Variants in TECPR2 observed in about 807,000 individuals in gnomAD.
TECPR2 encodes tectonin beta-propeller repeat containing 2.
TECPR2 carries 65 observed loss-of-function variants against 138.1 expected under a neutral mutation model. The ratio of observed to expected loss-of-function variants is 0.47; its 90% confidence interval spans 0.39 to 0.58. The LOEUF is 0.58. Among genes scored for constraint, TECPR2 ranks in the 20% least tolerant of loss-of-function variants. The probability of loss-of-function intolerance (pLI) is 0.00; values close to 1 mark genes in which losing one functional copy is unlikely to be tolerated. For synonymous variants in TECPR2, 746 were observed against 749.8 expected, an observed-to-expected ratio of 0.99 and a Z score of 0.08; for missense variants, 1,553 against 1,824.5, an observed-to-expected ratio of 0.85 and a Z score of 2.71.
intron 17 of TECPR2, among the ~76,000 whole-genome samples, chr14:102,482,546 C>T (rs560609222): frequency 6.6e-6 from 1 of 152,324 alleles, no homozygotes; most frequent in South Asian, 2.1e-4. Flanking sequence ...CTAGCGTCAC[C>T]TTTGACCTCC....
intron 3 of TECPR2, among the ~76,000 whole-genome samples, 180 bp downstream of exon 3, chr14:102,407,646 G>A (rs1235579545): frequency 6.6e-6 from 1 of 152,124 alleles, no homozygotes; most frequent in Non-Finnish European, 1.5e-5. Flanking sequence ...GGCTGATCAC[G>A]AGGTCAAGAG....
At chr14:102,399,198 G>A (rs1888402732) in intron 2 of TECPR2, among the ~76,000 whole-genome samples, 1 of 152,184 alleles carries the variant, frequency 6.6e-6, no homozygotes, top group South Asian at 2.1e-4. Flanking sequence ...GGAGGCAGAG[G>A]TTGCAGTGAG....
chr14:102,377,558 T>C (rs756294011), intron 2 of TECPR2, among the ~76,000 whole-genome samples: 2 of 152,134 alleles, frequency 1.3e-5, no homozygotes, highest in African/African-American at 2.4e-5. Flanking sequence ...ATACAAAAAT[T>C]AGCTGGGCGT....
At chr14:102,377,045 T>C (rs1887661056) in intron 2 of TECPR2, 105 bp downstream of exon 2, 1 of 1,182,586 alleles carries the variant, frequency 8.5e-7, no homozygotes, top group South Asian at 1.4e-5. Context: ...TGCCAGAATA[T>C]GGCCTTAATA....
chr14:102,367,146 T>C (rs998984679), intron 1 of TECPR2, among the ~76,000 whole-genome samples: 2 of 152,122 alleles, frequency 1.3e-5, no homozygotes, highest in African/African-American at 2.4e-5. Flanking sequence ...TGGTTTTTAT[T>C]CTTAGAGCAC....
intron 2 of TECPR2, among the ~76,000 whole-genome samples, chr14:102,390,418 A>T (rs1456345348): frequency 1.3e-5 from 2 of 152,126 alleles, no homozygotes; most frequent in Non-Finnish European, 2.9e-5. Context: ...GGCAAAGGAG[A>T]GTTAAACACA....
chr14:102,403,400 T>C (rs891169973), intron 2 of TECPR2, among the ~76,000 whole-genome samples: 3 of 152,166 alleles, frequency 2.0e-5, no homozygotes, highest in Non-Finnish European at 1.5e-5. Flanking sequence ...AAGCCATATA[T>C]GAAAAACAGT....
At chr14:102,431,583 C>A (rs1007631319) in intron 7 of TECPR2, among the ~76,000 whole-genome samples, 4 of 152,084 alleles carry the variant, frequency 2.6e-5, no homozygotes, top group East Asian at 1.9e-4. Context: ...ACCTTGTGAT[C>A]CGCCCGCCTT....
intron 16 of TECPR2, 24 bp downstream of exon 16, chr14:102,452,651 C>T: frequency 6.5e-7 from 1 of 1,538,574 alleles, no homozygotes; most frequent in Non-Finnish European, 8.8e-7. Context: ...GTGAGTACAC[C>T]TGCCGGTGCC....
chr14:102,382,438 G>A (rs1002213784), intron 2 of TECPR2, among the ~76,000 whole-genome samples: 5 of 152,256 alleles, frequency 3.3e-5, no homozygotes, highest in Admixed American at 2.6e-4. Flanking sequence ...CACAATACAC[G>A]AAGCAGAAAT....
At chr14:102,386,460 ACT>A (rs1888008188) in intron 2 of TECPR2, among the ~76,000 whole-genome samples, 1 of 152,094 alleles carries the variant, frequency 6.6e-6, no homozygotes, top group Admixed American at 6.6e-5. Context: ...ACAGAGCAAG[ACT>A]CTGTCTCAAA....
At chr14:102,477,372 A>G (rs1890787722) in intron 17 of TECPR2, among the ~76,000 whole-genome samples, 1 of 151,440 alleles carries the variant, frequency 6.6e-6, no homozygotes, top group South Asian at 2.1e-4. Context: ...TCCGTCTCAA[A>G]AAAAAAAAAA....
chr14:102,403,046 C>T (rs1026845353), intron 2 of TECPR2, among the ~76,000 whole-genome samples: 1 of 152,060 alleles, frequency 6.6e-6, no homozygotes, highest in Non-Finnish European at 1.5e-5. Flanking sequence ...TCTATGAGGC[C>T]AGAATTATGC....
intron 17 of TECPR2, among the ~76,000 whole-genome samples, chr14:102,473,363 G>A (rs541602296): frequency 6.6e-6 from 1 of 152,238 alleles, no homozygotes; most frequent in African/African-American, 2.4e-5. Flanking sequence ...TCACTCTGAG[G>A]ACTGGAACGT....
chr14:102,430,905 T>C lies in TECPR2; in HGVS notation c.1085-891T>C, dbSNP rs567694483. On this transcript the variant is annotated intron_variant, in intron 7 of 19. Coordinates refer to ENST00000359520, the MANE Select transcript of TECPR2 (RefSeq NM_014844.5). ...GCCCTTTGAGTAATCTTAAAGTATA[T>C]TCAAGGCAGAGTCTTAGTATGAAGT... Among the ~76,000 whole-genome samples the C allele has an allele frequency of 2.6e-5, 4 of 152,332 alleles. No homozygotes were observed. The South Asian group carries it at 8.3e-4, about 32-fold the overall frequency.
At chr14:102,449,050 C>T (rs1184493316) in intron 13 of TECPR2, among the ~76,000 whole-genome samples, 1 of 152,022 alleles carries the variant, frequency 6.6e-6, no homozygotes, top group African/African-American at 2.4e-5. Flanking sequence ...TCACTTGAGC[C>T]CAGAAGTTCA....
intron 12 of TECPR2, among the ~76,000 whole-genome samples, chr14:102,444,039 C>T (rs1889905189): frequency 2.0e-5 from 3 of 152,150 alleles, no homozygotes; most frequent in South Asian, 2.1e-4. Context: ...CCGCCCTCTG[C>T]GCAGCCCTGA....
chr14:102,478,405 G>T (rs1280805962), intron 17 of TECPR2, among the ~76,000 whole-genome samples: 2 of 152,078 alleles, frequency 1.3e-5, no homozygotes, highest in Non-Finnish European at 2.9e-5. Context: ...AATGGGCCGG[G>T]TGTGGTGGCT....
Position 102,498,158 on chromosome 14 carries a change from G to A in TECPR2, c.4137G>A (p.Arg1379=). ...GCCCGCCCGGCTACCTCCTCCAACGGCTGACAAAGACGTTCAGCCACTCGC... is the reference window on the plus strand; with the variant it reads ...GCCCGCCCGGCTACCTCCTCCAACGACTGACAAAGACGTTCAGCCACTCGC... ...AVGPPGYLLQ[R]LTKTFSHSHG... is the part of the protein sequence containing the mutation. The change falls in exon 20 of 20, where the codon CGG becomes CGA. Residue 1379 remains arginine, a synonymous_variant. Transcript: ENST00000359520. 6.2e-7 allele frequency: 1 copy of A among 1,612,940 alleles called. No individual in the cohort carries two copies.
Sources: allele counts gnomAD v4.1 joint callset (sites outside exome capture counted in the v4.1 genomes callset), GRCh38; gene constraint gnomAD v4.1.1; transcripts MANE v1.5; gene names NCBI Gene and HGNC (gene_info 2026-07-23, HGNC 2026-07-21).